PCDHGA3: variants seen among roughly 807,000 people sequenced by gnomAD.
PCDHGA3 encodes protocadherin gamma-A3.
PCDHGA3 carries 40 observed loss-of-function variants against 58.5 expected under a neutral mutation model. That is an observed-to-expected ratio of 0.68 (90% CI 0.53 to 0.89). The LOEUF (loss-of-function observed/expected upper bound fraction) is 0.89. Among genes scored for constraint, PCDHGA3 ranks in the 40% least tolerant of loss-of-function variants. The probability of loss-of-function intolerance (pLI) is 0.00; values close to 1 mark genes in which losing one functional copy is unlikely to be tolerated. For synonymous variants in PCDHGA3, 530 were observed against 525.7 expected, an observed-to-expected ratio of 1.01 and a Z score of -0.11; for missense variants, 1,223 against 1,195.9, an observed-to-expected ratio of 1.02 and a Z score of -0.33.
chr5:141,355,718 A>C, intron 1 of PCDHGA3: 2 of 1,613,990 alleles, frequency 1.2e-6, no homozygotes, highest in South Asian at 1.1e-5. Context: ...TACCAGCTCA[A>C]CTCAAACGGT....
chr5:141,404,862 C>A, intron 1 of PCDHGA3: 1 of 1,613,848 alleles, frequency 6.2e-7, no homozygotes, highest in Non-Finnish European at 8.5e-7. Context: ...GATAGAGATG[C>A]GCTCAAACAG....
intron 1 of PCDHGA3, among the ~76,000 whole-genome samples, chr5:141,462,030 T>C (rs1283795051): frequency 3.9e-5 from 6 of 152,122 alleles, no homozygotes; most frequent in Non-Finnish European, 8.8e-5. Flanking sequence ...TTCATGTTGG[T>C]CAGGCGGGTC....
At chr5:141,372,826 C>G in intron 1 of PCDHGA3, 1 of 1,554,742 alleles carries the variant, frequency 6.4e-7, no homozygotes, top group Middle Eastern at 1.7e-4. Flanking sequence ...TTCTTCAAAC[C>G]TTTCCTTCCA....
intron 1 of PCDHGA3, chr5:141,398,054 A>C: frequency 1.3e-6 from 2 of 1,519,030 alleles, no homozygotes; most frequent in Non-Finnish European, 1.8e-6. Context: ...CGGAGATCCA[A>C]AAATCTACAA....
intron 2 of PCDHGA3, among the ~76,000 whole-genome samples, chr5:141,497,721 G>A (rs2099778948): frequency 6.6e-6 from 1 of 152,006 alleles, no homozygotes; most frequent in African/African-American, 2.4e-5. Flanking sequence ...TGTATTTTTA[G>A]TAGAGATGGG....
At chr5:141,405,240 C>G (rs2094630274) in intron 1 of PCDHGA3, 4 of 1,614,136 alleles carry the variant, frequency 2.5e-6, no homozygotes, top group African/African-American at 2.7e-5. Context: ...ACCGCTGACT[C>G]AAGGAAGAGT....
At position 141,490,054 on chromosome 5, in the gene PCDHGA3, G is replaced by A. The variant is rs2099695440; in HGVS notation, c.2425-4753G>A. The A allele has an allele frequency of 6.2e-7, 1 of 1,614,104 alleles. No individual in the cohort carries two copies. The highest frequency in any genetic ancestry group is 1.3e-5 in the African/African-American group (1 of 74,944). ...CCTCAATGCCACTGATCCAGACGAG[G>A]GCACCAACGGCCAACTAGACTATTC... On this transcript the variant is annotated intron_variant, in intron 1 of 3. Transcript: ENST00000253812. This position sits in a 1 kb window ranked among gnomAD's most constrained non-coding sequence, Gnocchi z 5.4.
In PCDHGA3 at chr5:141,476,784, C is replaced by A; in HGVS notation, c.2425-18023C>A. 1 of 1,613,520 alleles carries A rather than the reference C, an allele frequency of 6.2e-7. No homozygotes were observed. On this transcript the variant is annotated intron_variant, in intron 1 of 3. Transcript: ENST00000253812. The surrounding 1 kb of genome is among the most constrained non-coding windows in gnomAD (Gnocchi z 7.6). ...ACGGCGTTGGACGGAGGGACCCCAGCTCTCTCCGCCAGCCTGCCTATTCAC... is the reference window on the plus strand; with the variant it reads ...ACGGCGTTGGACGGAGGGACCCCAGATCTCTCCGCCAGCCTGCCTATTCAC...
chr5:141,358,015 C>A (rs563635829), intron 1 of PCDHGA3, among the ~76,000 whole-genome samples: 2 of 152,188 alleles, frequency 1.3e-5, no homozygotes, highest in African/African-American at 4.8e-5. Flanking sequence ...CATGGTGAAA[C>A]CCAGTCTCTA....
intron 1 of PCDHGA3, chr5:141,423,365 T>A (rs1338039878): frequency 1.9e-6 from 3 of 1,614,096 alleles, no homozygotes; most frequent in South Asian, 1.1e-5. Context: ...ATCGTGCTGC[T>A]GGCACTCAGG....
At chr5:141,419,096 G>T in intron 1 of PCDHGA3, 9 of 1,613,918 alleles carry the variant, frequency 5.6e-6, no homozygotes, top group Non-Finnish European at 7.6e-6. Context: ...CCTGGATCGG[G>T]AGCAGACCCC....
Position 141,365,897 on chromosome 5 carries a change from G to A in PCDHGA3, c.2424+19440G>A, listed in dbSNP as rs1278621705. The A allele has an allele frequency of 3.1e-6, 5 of 1,614,214 alleles. No individual in the cohort carries two copies. Among genetic ancestry groups the A allele is most frequent in the Admixed American group, 3.3e-5 (2 of 60,030 alleles). On this transcript the variant is annotated intron_variant, in intron 1 of 3. Transcript: ENST00000253812. ...GTATGCTCTGAGATCCTTCGACTAT[G>A]AGCAGTTGAGAGACCTACAGTTGTG...
chr5:141,390,528 G>T (rs1438036547), intron 1 of PCDHGA3: 1 of 537,820 alleles, frequency 1.9e-6, no homozygotes, highest in Non-Finnish European at 3.3e-6. Context: ...TGAGGGTGTG[G>T]TTTTAACCAC....
intron 1 of PCDHGA3, chr5:141,375,550 C>T (rs770616547): frequency 2.5e-6 from 4 of 1,614,066 alleles, no homozygotes; most frequent in Middle Eastern, 1.6e-4. Context: ...AAGTCTCCTA[C>T]TCACTGGCAG....
chr5:141,455,406 C>A (rs991797932), intron 1 of PCDHGA3, among the ~76,000 whole-genome samples: 1 of 152,108 alleles, frequency 6.6e-6, no homozygotes, highest in Non-Finnish European at 1.5e-5. Flanking sequence ...CTTACAGAGA[C>A]AGAGGGAGCG....
intron 1 of PCDHGA3, chr5:141,379,532 T>C (rs547960333): frequency 7.9e-5 from 12 of 152,376 alleles, no homozygotes; most frequent in African/African-American, 2.9e-4. Context: ...TTTGTTGTTA[T>C]AGGGAAAGCT....
intron 1 of PCDHGA3, chr5:141,377,208 T>A (rs1773778688): frequency 6.6e-6 from 1 of 152,244 alleles, no homozygotes; most frequent in Non-Finnish European, 1.5e-5. Context: ...ATTGAGTACA[T>A]CTCGTTTCTT....
intron 1 of PCDHGA3, chr5:141,372,545 C>T (rs778761799): frequency 6.2e-7 from 1 of 1,614,032 alleles, no homozygotes; most frequent in South Asian, 1.1e-5. Flanking sequence ...GCCTGCGATG[C>T]TCCTCCAGAC....
chr5:141,360,641 G>A, intron 1 of PCDHGA3: 1 of 1,613,962 alleles, frequency 6.2e-7, no homozygotes, highest in Non-Finnish European at 8.5e-7. Flanking sequence ...TCACTACAAA[G>A]ATACCACCTT....
Sources: allele counts gnomAD v4.1 joint callset (sites outside exome capture counted in the v4.1 genomes callset), GRCh38; gene constraint gnomAD v4.1.1; non-coding constraint Gnocchi (gnomAD v3.1); transcripts MANE v1.5; gene names NCBI Gene and HGNC (gene_info 2026-07-23, HGNC 2026-07-21).